Variants in ARHGEF11 observed in about 807,000 individuals in gnomAD.
ARHGEF11 encodes Rho guanine exchange factor (GEF) 11.
In ARHGEF11, 55 loss-of-function variants were observed where a neutral mutation model predicts 193.7. The observed-to-expected ratio is 0.28, with a 90% CI of 0.23 to 0.36. The LOEUF (loss-of-function observed/expected upper bound fraction) is 0.36. Ranked by LOEUF, ARHGEF11 falls within the 10% of genes least tolerant of loss-of-function variation. ARHGEF11 has a pLI of 1.00. For missense variants in ARHGEF11, 1,723 were observed against 2,005.6 expected (o/e 0.86, Z 2.69); for synonymous variants, 693 against 768.0 (o/e 0.90, Z 1.62).
rs201969485 is a variant in ARHGEF11 at position 156,957,756 on chromosome 1, T to C, written c.1526+36A>G. On this transcript the variant is annotated intron_variant, in intron 18 of 40. Coordinates refer to ENST00000368194, the MANE Select transcript of ARHGEF11 (RefSeq NM_198236.3). ...GTAGCTCAACCCCACTCCTTCCACC[T>C]TGAAAGCTGCAAATCCACATCATAG... The C allele has an allele frequency of 2.0e-5, 32 of 1,611,626 alleles. No individual in the cohort carries two copies. In the Admixed American group the frequency reaches 4.8e-4, roughly 24 times the overall value.
At chr1:156,988,946 T>C (rs1483548401) in intron 1 of ARHGEF11, among the ~76,000 whole-genome samples, 2 of 152,112 alleles carry the variant, frequency 1.3e-5, no homozygotes, top group Admixed American at 6.5e-5. Context: ...AGCACATATT[T>C]GGGAGGAAGA....
At position 156,941,900 on chromosome 1, in the gene ARHGEF11, G is replaced by T. The variant is rs770300084; in HGVS notation, c.3416C>A (p.Pro1139His). 1.9e-6 allele frequency: 3 copies of T among 1,613,676 alleles called. No individual in the cohort carries two copies. Among genetic ancestry groups the T allele is most frequent in the Admixed American group, 3.3e-5 (2 of 59,982 alleles). ...PMPVHPPPPG[P>H]REPAQQGPTP... is the part of the protein sequence containing the mutation. Reference sequence around the variant, plus strand: ...GGGGCCCTGCTGGGCTGGCTCCCGGGGACCTGGGGGTGGAGGATGGACGGG... The same window carrying T: ...GGGGCCCTGCTGGGCTGGCTCCCGGTGACCTGGGGGTGGAGGATGGACGGG... The change falls in exon 34 of 41, where the codon CCC (proline) becomes CAC (histidine). Residue 1139 changes from proline to histidine, a missense_variant. Around this residue, in one of 5 missense-constraint regions of ARHGEF11, gnomAD observed 203 missense variants for 237.3 expected, o/e 0.86. Coordinates refer to ENST00000368194, the MANE Select transcript of ARHGEF11 (RefSeq NM_198236.3).
At chr1:156,936,321 T>C (rs1323366996) in intron 40 of ARHGEF11, 5 of 628,546 alleles carry the variant, frequency 8.0e-6, no homozygotes, top group Admixed American at 2.0e-5. Context: ...CCCAGTGTGG[T>C]TCTGAATCAT....
intron 22 of ARHGEF11, chr1:156,949,003 G>A: frequency 1.1e-5 from 11 of 985,476 alleles, no homozygotes; most frequent in Non-Finnish European, 1.3e-5. Context: ...GGAAAGTGGA[G>A]TCACTATATT....
Position 156,961,793 on chromosome 1 carries a change from T to G in ARHGEF11, c.1141-18A>C, listed in dbSNP as rs779351261. On this transcript the variant is annotated intron_variant, in intron 13 of 40. Coordinates refer to ENST00000368194, the MANE Select transcript of ARHGEF11 (RefSeq NM_198236.3). ...TAAAAAAGCTAGGAGGAGAGAGAAC[T>G]GGGTTAGAGCAGTGGTTCTCCCCCA... 1.9e-6 allele frequency: 3 copies of G among 1,609,312 alleles called. No individual in the cohort carries two copies. The East Asian group carries it at 6.7e-5, about 36-fold the overall frequency.
rs576283073 is a variant in ARHGEF11 at position 157,031,267 on chromosome 1, A to C, written c.32+13032T>G. The stretch of plus-strand genomic sequence containing the variant: ...ATGGGAAGGAGGATCTTAACAAGGG[A>C]GTGGTCTCTCCCCCCGTATCTTGCC... On this transcript the variant is annotated intron_variant, in intron 1 of 40. Transcript: ENST00000368194. 2.4e-4 allele frequency among the ~76,000 whole-genome samples: 37 copies of C among 152,162 alleles called. 1 individual carries two copies. The South Asian group carries it at 4.6e-3, about 19-fold the overall frequency.
At chr1:157,046,856 A>G (rs1165347377), upstream of ARHGEF11, among the ~76,000 whole-genome samples, 13 of 150,108 alleles carry the variant, frequency 8.7e-5, no homozygotes, top group Admixed American at 8.6e-4. Flanking sequence ...TACTAAAAAT[A>G]CAAAACTAGC....
At chr1:156,997,147 G>A (rs1373458446) in intron 1 of ARHGEF11, among the ~76,000 whole-genome samples, 2 of 152,088 alleles carry the variant, frequency 1.3e-5, no homozygotes, top group Non-Finnish European at 2.9e-5. Flanking sequence ...GGGATTACAA[G>A]TGTGAGACAC....
chr1:157,002,872 A>G (rs751849417), intron 1 of ARHGEF11, among the ~76,000 whole-genome samples: 8 of 152,216 alleles, frequency 5.3e-5, no homozygotes, highest in Non-Finnish European at 8.8e-5. Context: ...GACATTTATT[A>G]GCTGTGTGAC....
At position 156,970,656 on chromosome 1, in the gene ARHGEF11, C is replaced by A. The variant is rs796546066; in HGVS notation, c.703-613G>T. ...CTAAGGCCAGGGTTGGCGCTCAGACCTTCAGATTCCAAGCTTAGTTTCTCA... is the reference window on the plus strand; with the variant it reads ...CTAAGGCCAGGGTTGGCGCTCAGACATTCAGATTCCAAGCTTAGTTTCTCA... On this transcript the variant is annotated intron_variant, in intron 8 of 40. Transcript: ENST00000368194. 1.7e-4 allele frequency among the ~76,000 whole-genome samples: 26 copies of A among 152,288 alleles called. 1 individual carries two copies. Among genetic ancestry groups the A allele is most frequent in the African/African-American group, 6.3e-4 (26 of 41,566 alleles).
chr1:156,950,515 C>T (rs905965612), intron 22 of ARHGEF11, among the ~76,000 whole-genome samples: 1 of 152,124 alleles, frequency 6.6e-6, no homozygotes, highest in African/African-American at 2.4e-5. Flanking sequence ...TGGTGCATGC[C>T]TGTATCCCTA....
Position 157,041,512 on chromosome 1 carries a change from C to T in ARHGEF11, c.32+2787G>A, listed in dbSNP as rs565312568. Among the ~76,000 whole-genome samples the T allele has an allele frequency of 4.6e-5, 7 of 152,286 alleles. No homozygotes were observed. In the South Asian group the frequency reaches 1.2e-3, roughly 27 times the overall value. On this transcript the variant is annotated intron_variant, in intron 1 of 40. Transcript: ENST00000368194. ...TCTTACTCTCAGCTACAATCTCTTT[C>T]CAAATACATAGTCCTTTATTATGTC... is the stretch of plus-strand genomic sequence containing the variant.
intron 7 of ARHGEF11, among the ~76,000 whole-genome samples, chr1:156,976,413 CCATTAGATTTTAAA>C (rs1200139928): frequency 1.3e-5 from 2 of 152,140 alleles, no homozygotes; most frequent in South Asian, 2.1e-4. Flanking sequence ...TGAATTTCCT[CCATTAGATTTTAAA>C]CATGTTGAGG....
intron 1 of ARHGEF11, among the ~76,000 whole-genome samples, chr1:156,986,750 T>C (rs1664977632): frequency 6.6e-6 from 1 of 152,152 alleles, no homozygotes; most frequent in Non-Finnish European, 1.5e-5. Flanking sequence ...GTTCCACCTC[T>C]CCATAACAGT....
At position 156,942,057 on chromosome 1, in the gene ARHGEF11, G is replaced by C. The variant is rs528119307; in HGVS notation, c.3327-68C>G. On this transcript the variant is annotated intron_variant, in intron 33 of 40. Coordinates refer to ENST00000368194, the MANE Select transcript of ARHGEF11 (RefSeq NM_198236.3). The stretch of plus-strand genomic sequence containing the variant: ...ATAGCAGCACGCACCACCCCGTACT[G>C]AGCCCACTGGAACAGGGCTTCCAGG... 372 of 1,609,254 alleles carry C rather than the reference G, an allele frequency of 2.3e-4. 2 individuals are homozygous for C. In the African/African-American group the frequency reaches 4.2e-3, roughly 18 times the overall value.
intron 25 of ARHGEF11, 39 bp downstream of exon 25, chr1:156,947,730 C>T (rs750124410): frequency 3.2e-5 from 51 of 1,604,848 alleles, no homozygotes; most frequent in East Asian, 6.7e-5. Context: ...TATTCCCACA[C>T]GTGTGAGCGG....
At chr1:156,981,262 T>C (rs1664135860) in intron 3 of ARHGEF11, among the ~76,000 whole-genome samples, 1 of 151,872 alleles carries the variant, frequency 6.6e-6, no homozygotes, top group Non-Finnish European at 1.5e-5. Flanking sequence ...AGGCTGGTCT[T>C]GAACTCCTGG....
chr1:156,963,756 A>T, intron 11 of ARHGEF11, 162 bp from the exon 12 acceptor site: 1 of 1,440,462 alleles, frequency 6.9e-7, no homozygotes, highest in Non-Finnish European at 9.1e-7. Flanking sequence ...AGCACAGATG[A>T]AATGATTTCC....
chr1:157,000,855 G>A (rs957810409), intron 1 of ARHGEF11, among the ~76,000 whole-genome samples: 6 of 152,144 alleles, frequency 3.9e-5, no homozygotes, highest in Admixed American at 3.9e-4. Context: ...TGTAATGGGG[G>A]GCAGAAGTGG....
Sources: gnomAD v4.1 joint callset for allele counts (sites outside exome capture counted in the v4.1 genomes callset) on GRCh38, gnomAD v4.1.1 for gene constraint, gnomAD v4.1.1 regional missense constraint, MANE v1.5 for transcripts, NCBI Gene and HGNC (gene_info 2026-07-23, HGNC 2026-07-21) for gene names.